The following RPRD1B variants were observed in gnomAD, a reference collection of about 807,000 sequenced individuals.
RPRD1B encodes the protein regulation of nuclear pre-mRNA domain-containing protein 1B.
A neutral mutation model predicts 41.5 loss-of-function variants in RPRD1B; 11 were observed. That is an observed-to-expected ratio of 0.27 (90% confidence interval 0.17 to 0.44). The LOEUF is 0.44. RPRD1B is among the 20% of genes least tolerant of loss of function. RPRD1B has a pLI of 1.00. For synonymous variants in RPRD1B, 158 were observed against 155.6 expected, an observed-to-expected ratio of 1.02 and a Z score of -0.12; for missense variants, 248 against 389.9, an observed-to-expected ratio of 0.64 and a Z score of 3.06.
intron 3 of RPRD1B, among the ~76,000 whole-genome samples, chr20:38,054,837 T>TA (rs1227308147): frequency 6.6e-6 from 1 of 152,210 alleles, no homozygotes; most frequent in African/African-American, 2.4e-5. Flanking sequence ...AGTTTGTACT[T>TA]ACCTTCTAAT....
At chr20:38,069,091 T>C (rs920756653) in intron 6 of RPRD1B, among the ~76,000 whole-genome samples, 3 of 152,238 alleles carry the variant, frequency 2.0e-5, no homozygotes, top group African/African-American at 7.2e-5. Context: ...AAAGCTCTAA[T>C]ATACTTAGGT....
intron 6 of RPRD1B, among the ~76,000 whole-genome samples, chr20:38,071,124 G>T (rs1600427441): frequency 6.6e-6 from 1 of 152,188 alleles, no homozygotes; most frequent in Non-Finnish European, 1.5e-5. Context: ...ATGCCACATG[G>T]TGCACACACA....
At chr20:38,074,686 G>T (rs953523147) in intron 6 of RPRD1B, among the ~76,000 whole-genome samples, 2 of 152,126 alleles carry the variant, frequency 1.3e-5, no homozygotes, top group African/African-American at 4.8e-5. Flanking sequence ...CAGCACCTGG[G>T]CCTCTTATTA....
At chr20:38,054,370 A>G (rs556070003) in intron 3 of RPRD1B, among the ~76,000 whole-genome samples, 2 of 152,222 alleles carry the variant, frequency 1.3e-5, no homozygotes, top group Non-Finnish European at 2.9e-5. Context: ...GTTAACACCT[A>G]TTGTGCCCTC....
At position 38,089,823 on chromosome 20, in the gene RPRD1B, C is replaced by G. The variant is rs2074597216; in HGVS notation, c.929C>G (p.Thr310Arg). 6.2e-7 allele frequency: 1 copy of G among 1,614,102 alleles called. No individual in the cohort carries two copies. The highest frequency in any genetic ancestry group is 8.5e-7 in the Non-Finnish European group (1 of 1,180,046). The change falls in exon 7 of 7, where the codon ACA becomes AGA. Residue 310 changes from threonine to arginine, a missense_variant. By Grantham distance (71) the Thr-to-Arg change is moderately conservative. This residue lies in a region of RPRD1B where 93 missense variants were observed against 167.2 expected (regional missense o/e 0.56). Coordinates refer to ENST00000373433, the MANE Select transcript of RPRD1B (RefSeq NM_021215.4). ...GACCTCTCACTGCTGCCCAACGTCA[C>G]AGGGGGCTTAGCCCCCCTGCCCTCT... is the stretch of plus-strand genomic sequence containing the variant. ...LPDLSLLPNVTGGLAPLPSAG... is the reference protein window; with the variant it reads ...LPDLSLLPNVRGGLAPLPSAG...
chr20:38,049,843 C>G (rs1273501506), intron 3 of RPRD1B: 1 of 470,976 alleles, frequency 2.1e-6, no homozygotes, highest in African/African-American at 2.0e-5. Flanking sequence ...CCCTTTCTAT[C>G]TGAACTAGCC....
chr20:38,073,801 C>A (rs1477684776), intron 6 of RPRD1B, among the ~76,000 whole-genome samples: 1 of 152,122 alleles, frequency 6.6e-6, no homozygotes, highest in African/African-American at 2.4e-5. Context: ...TTTATGTGAA[C>A]ACTTCAGGGT....
At chr20:38,067,297 G>T (rs1388769391) in intron 6 of RPRD1B, among the ~76,000 whole-genome samples, 1 of 152,060 alleles carries the variant, frequency 6.6e-6, no homozygotes, top group East Asian at 1.9e-4. Flanking sequence ...AGGAATGTCT[G>T]CTCTTCTTTT....
chr20:38,036,470 A>G (rs1162048319), intron 1 of RPRD1B, among the ~76,000 whole-genome samples: 6 of 152,126 alleles, frequency 3.9e-5, no homozygotes, highest in Non-Finnish European at 7.4e-5. Context: ...ATTTGTTCCT[A>G]CTAGCTGTTC....
chr20:38,052,462 T>G (rs138883004), intron 3 of RPRD1B, among the ~76,000 whole-genome samples: 18 of 152,178 alleles, frequency 1.2e-4, no homozygotes, highest in African/African-American at 4.3e-4. Context: ...CCTCAAATGT[T>G]AGACCTTTAT....
At chr20:38,078,855 G>T (rs2074488490) in intron 6 of RPRD1B, among the ~76,000 whole-genome samples, 1 of 152,126 alleles carries the variant, frequency 6.6e-6, no homozygotes, top group Non-Finnish European at 1.5e-5. Context: ...AAAAAGAGGT[G>T]CCCTCGGTCA....
intron 6 of RPRD1B, chr20:38,070,076 A>G (rs2074396580): frequency 4.9e-6 from 2 of 405,992 alleles, no homozygotes; most frequent in African/African-American, 4.3e-5. Context: ...GGTTGTAAAG[A>G]ATATGTTAGT....
chr20:38,069,778 C>A (rs1342593958), intron 6 of RPRD1B, among the ~76,000 whole-genome samples: 1 of 151,890 alleles, frequency 6.6e-6, no homozygotes, highest in Non-Finnish European at 1.5e-5. Flanking sequence ...TGAAATAGAC[C>A]AAGAAAAAAA....
intron 5 of RPRD1B, among the ~76,000 whole-genome samples, chr20:38,061,944 G>A (rs2074301856): frequency 6.6e-6 from 1 of 152,144 alleles, no homozygotes; most frequent in Non-Finnish European, 1.5e-5. Flanking sequence ...CTTGGCAGGT[G>A]TGATTAAATA....
At chr20:38,069,847 C>G (rs2074394462) in intron 6 of RPRD1B, among the ~76,000 whole-genome samples, 1 of 152,170 alleles carries the variant, frequency 6.6e-6, no homozygotes, top group African/African-American at 2.4e-5. Flanking sequence ...GTTATCAAAT[C>G]ATGGACAGTT....
At position 38,033,812 on chromosome 20, in the gene RPRD1B, T is replaced by C. The variant is rs139164566; in HGVS notation, c.-136T>C. On this transcript the variant is annotated 5_prime_UTR_variant, in exon 1 of 7. Transcript: ENST00000373433. Reference sequence around the variant, plus strand: ...CTGCGGAGACCCATCCCCTCCCCCTTCTCGCACCCCTGGCAGTCTGTCAGT... The same window carrying C: ...CTGCGGAGACCCATCCCCTCCCCCTCCTCGCACCCCTGGCAGTCTGTCAGT... 2,659 of 864,070 alleles carry C rather than the reference T, an allele frequency of 3.1e-3. 22 individuals carry two copies. The highest frequency in any genetic ancestry group is 0.02 in the African/African-American group (1,174 of 58,270). The allele number at this position is 864,070 out of a possible 1,614,324, so 53.5% of individuals were successfully genotyped here.
chr20:38,055,074 A>G (rs942088136), intron 3 of RPRD1B, among the ~76,000 whole-genome samples: 5 of 152,244 alleles, frequency 3.3e-5, no homozygotes, highest in African/African-American at 4.8e-5. Context: ...ATGCAAAGCA[A>G]TCTTTATAAT....
rs564413126 is a variant in RPRD1B at position 38,038,467 on chromosome 20, G to A, written c.152-1968G>A. Among the ~76,000 whole-genome samples the A allele has an allele frequency of 4.0e-3, 589 of 147,352 alleles. 3 individuals carry two copies. The highest frequency in any genetic ancestry group is 0.013 in the African/African-American group (511 of 39,818). ...TGGGTTTACAGGCGCCTGGCACCAC[G>A]CCCGGCTGATTTTTTTTGTTTTGTT... On this transcript the variant is annotated intron_variant, in intron 1 of 6. Coordinates refer to ENST00000373433, the MANE Select transcript of RPRD1B (RefSeq NM_021215.4).
In RPRD1B at chr20:38,091,069, A is replaced by G. The variant is rs2074608111; in HGVS notation, c.*1194A>G. On this transcript the variant is annotated 3_prime_UTR_variant, in exon 7 of 7. Coordinates refer to ENST00000373433, the MANE Select transcript of RPRD1B (RefSeq NM_021215.4). The stretch of plus-strand genomic sequence containing the variant: ...ATGACTATATAATGTAGTTAGAGAC[A>G]ATTTTTATCTTGCTTATAGTAAAGG... The G allele has an allele frequency of 1.5e-5, 15 of 985,850 alleles. No individual in the cohort carries two copies. Among genetic ancestry groups the G allele is most frequent in the Non-Finnish European group, 1.8e-5 (15 of 829,924 alleles). The allele number at this position is 985,850 out of a possible 1,614,324, so 61.1% of individuals were successfully genotyped here.
Sources: gnomAD v4.1 joint callset for allele counts (sites outside exome capture counted in the v4.1 genomes callset) on GRCh38, gnomAD v4.1.1 for gene constraint, gnomAD v4.1.1 regional missense constraint, MANE v1.5 for transcripts, NCBI Gene and HGNC (gene_info 2026-07-23, HGNC 2026-07-21) for gene names.